The following RGMB variants were observed in gnomAD, a reference collection of about 807,000 sequenced individuals.
RGMB encodes the protein repulsive guidance molecule B.
A neutral mutation model predicts 26.9 loss-of-function variants in RGMB; 16 were observed. That is an observed-to-expected ratio of 0.60 (90% CI 0.40 to 0.90). The LOEUF is 0.90. RGMB is among the 40% of genes least tolerant of loss of function. The pLI is 0.00. For missense variants in RGMB, 512 were observed against 573.3 expected (o/e 0.89, Z 1.09); for synonymous variants, 225 against 229.3 (o/e 0.98, Z 0.17).
Position 98,780,046 on chromosome 5 carries a change from C to T in RGMB, c.603C>T (p.Asn201=), listed in dbSNP as rs375058853. 15 of 1,613,108 alleles carry T rather than the reference C, an allele frequency of 9.3e-6. No individual in the cohort carries two copies. Among genetic ancestry groups the T allele is most frequent in the Admixed American group, 3.3e-5 (2 of 60,006 alleles). The change falls in exon 2 of 3, where the codon AAC becomes AAT. Residue 201 remains asparagine, a synonymous_variant. Transcript: ENST00000513185. ...ATTATCTTTCAGTTCAAGTGACAAACGTACCTGTGGTCCCTGGATCCAGTG... is the reference window on the plus strand; with the variant it reads ...ATTATCTTTCAGTTCAAGTGACAAATGTACCTGTGGTCCCTGGATCCAGTG... ...DNNYLSVQVT[N]VPVVPGSSAT...
upstream of RGMB, chr5:98,771,787 G>C (rs1313498290): frequency 3.9e-5 from 6 of 152,248 alleles, no homozygotes; most frequent in Non-Finnish European, 8.8e-5. Context: ...AGGATATAGG[G>C]GGAGGGGAGT....
intron 2 of RGMB, chr5:98,792,814 T>A: frequency 3.9e-6 from 1 of 259,102 alleles, no homozygotes; most frequent in Non-Finnish European, 7.3e-6. Flanking sequence ...ATAGCAACAC[T>A]GCTCACTTGC....
intron 1 of RGMB, among the ~76,000 whole-genome samples, chr5:98,776,369 A>T (rs548759043): frequency 6.6e-6 from 1 of 152,210 alleles, no homozygotes; most frequent in South Asian, 2.1e-4. Context: ...GCTTTATTTT[A>T]TTTTATTTTT....
rs906406468 is a variant in RGMB at position 98,795,529 on chromosome 5, G to C, written c.*1776G>C. 2.6e-5 allele frequency: 4 copies of C among 152,150 alleles called. No homozygotes were observed. Among genetic ancestry groups the C allele is most frequent in the African/African-American group, 9.7e-5 (4 of 41,402 alleles). 9.4% of individuals were successfully genotyped at this position (152,150 alleles called of 1,614,324 possible). On this transcript the variant is annotated 3_prime_UTR_variant, in exon 3 of 3. Transcript: ENST00000513185. Reference sequence around the variant, plus strand: ...GCAAACCTCTACCTTGTGTTGATGAGAGAATAATCTTGGGCAGTCTGGGAA... The same window carrying C: ...GCAAACCTCTACCTTGTGTTGATGACAGAATAATCTTGGGCAGTCTGGGAA...
intron 2 of RGMB, 106 bp downstream of exon 2, chr5:98,780,194 C>A: frequency 9.6e-7 from 1 of 1,037,896 alleles, no homozygotes; most frequent in South Asian, 1.8e-5. Flanking sequence ...TTAAAAGGAA[C>A]TTCTTTTGAA....
At chr5:98,782,286 A>G (rs1028947086) in intron 2 of RGMB, among the ~76,000 whole-genome samples, 15 of 152,206 alleles carry the variant, frequency 9.9e-5, no homozygotes, top group African/African-American at 3.4e-4. Context: ...AGAAAGGCCT[A>G]AATCTTACAA....
At chr5:98,771,437 T>C (rs2302981), upstream of RGMB, among the ~76,000 whole-genome samples, 11,268 of 152,288 alleles carry the variant, frequency 0.074, 512 homozygotes, top group South Asian at 0.22. Context: ...ACTACGCTCT[T>C]GCTTTCCAAG....
intron 2 of RGMB, among the ~76,000 whole-genome samples, chr5:98,781,993 T>C (rs996137275): frequency 2.0e-5 from 3 of 152,192 alleles, no homozygotes; most frequent in African/African-American, 7.2e-5. Context: ...TTTTACCCAT[T>C]CAAAAAAAGT....
intron 2 of RGMB, among the ~76,000 whole-genome samples, chr5:98,787,217 C>G (rs745757611): frequency 6.6e-6 from 1 of 152,198 alleles, no homozygotes; most frequent in Non-Finnish European, 1.5e-5. Flanking sequence ...CCTGAGTTCT[C>G]ATGGGTCTTT....
chr5:98,777,393 C>G (rs966836566), intron 1 of RGMB, among the ~76,000 whole-genome samples: 2 of 152,008 alleles, frequency 1.3e-5, no homozygotes, highest in Non-Finnish European at 2.9e-5. Context: ...TATTTTCTTG[C>G]TTTCTGTGTA....
Position 98,774,131 on chromosome 5 carries a change from C to A in RGMB, c.61C>A (p.Arg21Ser). ...TGCCGCCGCCGAGGTTGAGCAGCGCCGCAGCCCCGGGCTCTGCCCCCCGCC... is the reference window on the plus strand; with the variant it reads ...TGCCGCCGCCGAGGTTGAGCAGCGCAGCAGCCCCGGGCTCTGCCCCCCGCC... ...AAAAAEVEQR[R>S]SPGLCPPPLE... The change falls in exon 1 of 3, where the codon CGC becomes AGC. Residue 21 changes from arginine to serine, a missense_variant. By Grantham distance (110) the Arg-to-Ser change is moderately radical. Transcript: ENST00000513185. 6.8e-7 allele frequency: 1 copy of A among 1,461,944 alleles called. No homozygotes were observed. Among genetic ancestry groups the A allele is most frequent in the Non-Finnish European group, 9.1e-7 (1 of 1,095,642 alleles). 90.6% of individuals were successfully genotyped at this position (1,461,944 alleles called of 1,614,324 possible).
upstream of RGMB, chr5:98,770,675 TA>T: frequency 6.8e-7 from 1 of 1,465,238 alleles, no homozygotes; most frequent in Non-Finnish European, 9.1e-7. Flanking sequence ...AAGAATGATG[TA>T]AGTACAGGCA....
intron 2 of RGMB, among the ~76,000 whole-genome samples, chr5:98,785,060 T>C (rs528154262): frequency 1.2e-4 from 18 of 152,156 alleles, no homozygotes; most frequent in Non-Finnish European, 7.3e-5. Context: ...ATTGTGACCC[T>C]CCTTGCTTTA....
In RGMB at chr5:98,794,837, C is replaced by CCACG. The variant is rs1747064457; in HGVS notation, c.*1084_*1085insCACG. 1.3e-5 allele frequency: 2 copies of CCACG among 152,128 alleles called. No homozygotes were observed. The highest frequency in any genetic ancestry group is 2.9e-5 in the Non-Finnish European group (2 of 68,068). 9.4% of individuals were successfully genotyped at this position (152,128 alleles called of 1,614,324 possible). On this transcript the variant is annotated 3_prime_UTR_variant, in exon 3 of 3. Transcript: ENST00000513185. ...AAGTTTTTCATTCTTCCTTGTCCAC[C>CCACG]ATGATCTTCATCACAGTCTTTGATA... is the stretch of plus-strand genomic sequence containing the variant.
Position 98,793,085 on chromosome 5 carries a change from A to G in RGMB, c.646A>G (p.Ile216Val), listed in dbSNP as rs1746984114. 5.6e-6 allele frequency: 9 copies of G among 1,593,596 alleles called. 1 individual carries two copies. The Admixed American group carries it at 1.5e-4, about 27-fold the overall frequency. ...ACCTTGTACATGCTCCTTCCCACAG[A>G]TCACTATTATCTTCAAAGCCCACCA... The part of the protein sequence containing the change: ...PGSSATATNK[I>V]TIIFKAHHEC... The change falls in exon 3 of 3, where the codon ATC becomes GTC. Residue 216 changes from isoleucine to valine, a missense_variant and splice_region_variant. By Grantham distance (29) the Ile-to-Val change is conservative. Transcript: ENST00000513185.
chr5:98,786,381 A>G (rs1277698065), intron 2 of RGMB, among the ~76,000 whole-genome samples: 2 of 152,244 alleles, frequency 1.3e-5, no homozygotes, highest in Non-Finnish European at 2.9e-5. Flanking sequence ...GCATGAGGCC[A>G]AGTCTGATAC....
chr5:98,776,466 A>G (rs758569053), intron 1 of RGMB, among the ~76,000 whole-genome samples: 5 of 152,186 alleles, frequency 3.3e-5, no homozygotes, highest in Admixed American at 6.5e-5. Context: ...TCTTGGCTAC[A>G]TCCTTGAGAT....
intron 2 of RGMB, among the ~76,000 whole-genome samples, chr5:98,790,405 G>C (rs543656892): frequency 6.6e-6 from 1 of 152,312 alleles, no homozygotes; most frequent in South Asian, 2.1e-4. Flanking sequence ...AAATTGGAAA[G>C]ACAAATCTTT....
rs1747043811 is a variant in RGMB, at chr5:98,794,217, A to G, written c.*464A>G. 1 of 153,260 alleles carries G rather than the reference A, an allele frequency of 6.5e-6. No individual in the cohort carries two copies. 9.5% of individuals were successfully genotyped at this position (153,260 alleles called of 1,614,324 possible). On this transcript the variant is annotated 3_prime_UTR_variant, in exon 3 of 3. Transcript: ENST00000513185. Reference sequence around the variant, plus strand: ...GCTTTTACTCGCCACCTTCCGGTGGAGCTGCCTCGTTCCTTTGAACTATGC... The same window carrying G: ...GCTTTTACTCGCCACCTTCCGGTGGGGCTGCCTCGTTCCTTTGAACTATGC...
Sources: gnomAD v4.1 joint callset for allele counts (sites outside exome capture counted in the v4.1 genomes callset) on GRCh38, gnomAD v4.1.1 for gene constraint, MANE v1.5 for transcripts, NCBI Gene and HGNC (gene_info 2026-07-23, HGNC 2026-07-21) for gene names.